Variants in COL14A1 observed in about 807,000 individuals in gnomAD.
COL14A1 encodes the protein collagen type XIV alpha 1 chain.
COL14A1 carries 136 observed loss-of-function variants against 230.3 expected under a neutral mutation model. The observed-to-expected ratio is 0.59, with a 90% CI of 0.51 to 0.68. The LOEUF is 0.68. Among genes scored for constraint, COL14A1 ranks in the 30% least tolerant of loss-of-function variants. The pLI, the probability that COL14A1 is intolerant of heterozygous loss-of-function variation, is 0.00. For synonymous variants in COL14A1, 792 were observed against 784.1 expected (o/e 1.01, Z -0.17); for missense variants, 1,976 against 2,215.8 (o/e 0.89, Z 2.17).
intron 18 of COL14A1, among the ~76,000 whole-genome samples, chr8:120,229,811 G>C (rs1289889420): frequency 6.6e-6 from 1 of 152,154 alleles, no homozygotes; most frequent in Non-Finnish European, 1.5e-5. Context: ...ATTCTAACTG[G>C]TGTGAGATGG....
At chr8:120,206,879 T>A (rs1487858118) in intron 9 of COL14A1, 64 bp from the exon 10 acceptor site, 1 of 1,418,044 alleles carries the variant, frequency 7.1e-7, no homozygotes, top group African/African-American at 1.4e-5. Flanking sequence ...TCTAATGAGA[T>A]GTCTTAGCTT....
At chr8:120,178,053 G>A (rs1440889981) in intron 5 of COL14A1, among the ~76,000 whole-genome samples, 5 of 152,038 alleles carry the variant, frequency 3.3e-5, no homozygotes, top group Non-Finnish European at 7.4e-5. Flanking sequence ...TCAGTTCTCT[G>A]GAGTATTAAA....
chr8:120,150,656 G>A (rs1266990007), intron 2 of COL14A1, among the ~76,000 whole-genome samples: 2 of 152,016 alleles, frequency 1.3e-5, no homozygotes, highest in African/African-American at 4.8e-5. Flanking sequence ...ACAGAGCAAT[G>A]TTTCAGTCAT....
At chr8:120,134,933 C>T (rs1328534212) in intron 1 of COL14A1, among the ~76,000 whole-genome samples, 2 of 152,184 alleles carry the variant, frequency 1.3e-5, no homozygotes, top group South Asian at 4.1e-4. Context: ...CAAGATTGCA[C>T]CACTGCACTC....
At chr8:120,152,811 T>C (rs1328445411) in intron 2 of COL14A1, among the ~76,000 whole-genome samples, 3 of 152,140 alleles carry the variant, frequency 2.0e-5, no homozygotes, top group African/African-American at 7.2e-5. Context: ...GCGATGTTTG[T>C]TTTGGATGGT....
chr8:120,313,799 C>T lies in COL14A1; in HGVS notation c.4456-133C>T. ...AAATCATTTGAGGCTTGATGTCTTG[C>T]TATCCTGAGTATTTCCTATCTTAAG... On this transcript the variant is annotated intron_variant, in intron 37 of 47. Transcript: ENST00000297848. 4 of 574,132 alleles carry T rather than the reference C, an allele frequency of 7.0e-6. No homozygotes were observed. The East Asian group carries it at 1.2e-4, about 17-fold the overall frequency. The allele number at this position is 574,132 out of a possible 1,614,324, so 35.6% of individuals were successfully genotyped here.
intron 1 of COL14A1, among the ~76,000 whole-genome samples, chr8:120,144,069 A>G (rs1278054864): frequency 6.6e-6 from 1 of 152,162 alleles, no homozygotes; most frequent in Non-Finnish European, 1.5e-5. Flanking sequence ...TATCTATAGT[A>G]GAGAAAATTA....
At chr8:120,237,913 A>G (rs993530702) in intron 19 of COL14A1, among the ~76,000 whole-genome samples, 6 of 151,898 alleles carry the variant, frequency 4.0e-5, no homozygotes, top group African/African-American at 1.5e-4. Flanking sequence ...GCCATTCCAG[A>G]CCCTGTGTGC....
In COL14A1 at chr8:120,371,575, A is replaced by T; in HGVS notation, c.*344A>T. On this transcript the variant is annotated 3_prime_UTR_variant, in exon 48 of 48. Coordinates refer to ENST00000297848, the MANE Select transcript of COL14A1 (RefSeq NM_021110.4). ...CTCAAGTCCTAAAATGAACAAACAGATATGATTGTGTTTGAGGGAAATATG... is the reference window on the plus strand; with the variant it reads ...CTCAAGTCCTAAAATGAACAAACAGTTATGATTGTGTTTGAGGGAAATATG... 2.5e-6 allele frequency: 1 copy of T among 398,516 alleles called. No individual in the cohort carries two copies. Among genetic ancestry groups the T allele is most frequent in the Non-Finnish European group, 4.4e-6 (1 of 225,926 alleles). 24.7% of individuals were successfully genotyped at this position (398,516 alleles called of 1,614,324 possible).
At chr8:120,269,905 TAAG>T (rs1819608428) in intron 25 of COL14A1, 127 bp from the exon 26 acceptor site, 3 of 891,708 alleles carry the variant, frequency 3.4e-6, no homozygotes, top group Non-Finnish European at 5.1e-6. Context: ...ATATGAACAT[TAAG>T]AAGTTTATAT....
chr8:120,249,499 C>A (rs4298525), intron 21 of COL14A1, among the ~76,000 whole-genome samples: 13,821 of 152,214 alleles, frequency 0.091, 1,202 homozygotes, highest in East Asian at 0.41. Context: ...TGTAAGACAG[C>A]CTTGCTTAAT....
At chr8:120,134,584 A>G (rs1195227462) in intron 1 of COL14A1, among the ~76,000 whole-genome samples, 1 of 152,140 alleles carries the variant, frequency 6.6e-6, no homozygotes, top group Non-Finnish European at 1.5e-5. Context: ...AAACCATAGG[A>G]GATAAAAAAG....
At chr8:120,298,638 T>C (rs7835233) in intron 35 of COL14A1, among the ~76,000 whole-genome samples, 2,250 of 118,706 alleles carry the variant, frequency 0.019, 75 homozygotes, top group African/African-American at 0.059. Context: ...TATATATATA[T>C]ACAAAAATAC....
chr8:120,327,548 CT>C (rs1821720975), intron 40 of COL14A1, among the ~76,000 whole-genome samples: 1 of 152,074 alleles, frequency 6.6e-6, no homozygotes, highest in Non-Finnish European at 1.5e-5. Flanking sequence ...TAACCTTAAG[CT>C]TTTACTAAAA....
chr8:120,268,410 A>G (rs1022339700), intron 25 of COL14A1, among the ~76,000 whole-genome samples: 2 of 151,670 alleles, frequency 1.3e-5, no homozygotes, highest in African/African-American at 4.8e-5. Context: ...TATCTGCATC[A>G]GATCAGAGTA....
intron 5 of COL14A1, among the ~76,000 whole-genome samples, chr8:120,178,228 C>T (rs1247950287): frequency 6.6e-6 from 1 of 152,156 alleles, no homozygotes; most frequent in East Asian, 1.9e-4. Flanking sequence ...CCTCCCCTAG[C>T]CTCCCATCCT....
At chr8:120,268,227 A>T (rs1402326582) in intron 25 of COL14A1, among the ~76,000 whole-genome samples, 1 of 151,796 alleles carries the variant, frequency 6.6e-6, no homozygotes, top group Non-Finnish European at 1.5e-5. Context: ...TATCTTTGAA[A>T]GCTATTCACT....
intron 2 of COL14A1, among the ~76,000 whole-genome samples, chr8:120,152,469 C>CAAAAAAAAAAAAAAAAAAAAA (rs397891260): frequency 1.7e-5 from 1 of 59,598 alleles, no homozygotes; most frequent in African/African-American, 7.4e-5. Flanking sequence ...GATTCCATCT[C>CAAAAAAAAAAAAAAAAAAAAA]AAAAAAAAAA....
Position 120,208,390 on chromosome 8 carries a change from A to T in COL14A1, c.1321+29A>T, listed in dbSNP as rs1817515273. 7 of 1,604,542 alleles carry T rather than the reference A, an allele frequency of 4.4e-6. No individual in the cohort carries two copies. The East Asian group carries it at 1.6e-4, about 36-fold the overall frequency. On this transcript the variant is annotated intron_variant, in intron 11 of 47. Coordinates refer to ENST00000297848, the MANE Select transcript of COL14A1 (RefSeq NM_021110.4). ...TGTATTTAATTCTACCCCACTTCTA[A>T]CTTTGTAGAGTGCTGCTTAGGAGGC...
Sources: allele counts gnomAD v4.1 joint callset (sites outside exome capture counted in the v4.1 genomes callset), GRCh38; gene constraint gnomAD v4.1.1; transcripts MANE v1.5; gene names NCBI Gene and HGNC (gene_info 2026-07-23, HGNC 2026-07-21).